The following KLRG2 variants were observed in gnomAD, a reference collection of about 807,000 sequenced individuals.
KLRG2 encodes killer cell lectin like receptor G2, also known as killer cell lectin-like receptor subfamily G member 2.
KLRG2 carries 39 observed loss-of-function variants against 35.4 expected under a neutral mutation model. That is an observed-to-expected ratio of 1.10 (90% CI 0.85 to 1.44). The LOEUF is 1.44. Ranked by LOEUF, KLRG2 falls within the 40% of genes most tolerant of loss-of-function variation. The probability of loss-of-function intolerance (pLI) is 0.00; values close to 1 mark genes in which losing one functional copy is unlikely to be tolerated. For missense variants in KLRG2, 632 were observed against 570.9 expected, an observed-to-expected ratio of 1.11 and a Z score of -1.09; for synonymous variants, 283 against 265.8, an observed-to-expected ratio of 1.06 and a Z score of -0.63.
At chr7:139,442,978 C>T in the KLRG2 span, among the ~76,000 whole-genome samples, 1 of 149,120 alleles carries the variant, frequency 6.7e-6, no homozygotes, top group Non-Finnish European at 1.5e-5. Context: ...GTAGAATAGA[C>T]AAAAGTTTAA....
At chr7:139,438,562 G>T in the KLRG2 span, among the ~76,000 whole-genome samples, 1 of 152,114 alleles carries the variant, frequency 6.6e-6, no homozygotes, top group Admixed American at 6.6e-5. Context: ...CGATCGGTAG[G>T]GCTGAAAGTA....
chr7:139,470,538 T>C (rs1796737927), intron 3 of KLRG2, among the ~76,000 whole-genome samples: 1 of 152,154 alleles, frequency 6.6e-6, no homozygotes, highest in South Asian at 2.1e-4. Context: ...ATGCCTACAA[T>C]CCCAGGACTT....
downstream of KLRG2, among the ~76,000 whole-genome samples, chr7:139,448,124 A>G (rs1274324958): frequency 6.6e-6 from 1 of 151,788 alleles, no homozygotes; most frequent in African/African-American, 2.4e-5. Context: ...CCTCCCAAGC[A>G]GCTGGGACTA....
chr7:139,454,684 C>T (rs533195123), intron 3 of KLRG2, among the ~76,000 whole-genome samples: 97 of 151,450 alleles, frequency 6.4e-4, no homozygotes, highest in Middle Eastern at 6.9e-3. Flanking sequence ...GGCATGGTGG[C>T]GGGCGCCTGT....
the KLRG2 span, among the ~76,000 whole-genome samples, chr7:139,440,063 C>CT: frequency 6.6e-6 from 1 of 152,028 alleles, no homozygotes; most frequent in Non-Finnish European, 1.5e-5. Flanking sequence ...CTCCCTGTGT[C>CT]TTTTTTACAT....
At chr7:139,449,518 C>G (rs1796344860), downstream of KLRG2, among the ~76,000 whole-genome samples, 1 of 152,184 alleles carries the variant, frequency 6.6e-6, no homozygotes, top group African/African-American at 2.4e-5. Context: ...TTTATAAACA[C>G]TGCACACTTG....
At chr7:139,433,945 C>T in the KLRG2 span, among the ~76,000 whole-genome samples, 1 of 152,106 alleles carries the variant, frequency 6.6e-6, no homozygotes, top group Non-Finnish European at 1.5e-5. Context: ...GCATCACGCC[C>T]AGCATCACGT....
intron 1 of KLRG2, among the ~76,000 whole-genome samples, 186 bp from the exon 2 acceptor site, chr7:139,480,433 G>T (rs1331833810): frequency 7.0e-6 from 1 of 142,182 alleles, no homozygotes; most frequent in African/African-American, 2.6e-5. Context: ...AAAGAAGCCA[G>T]ATATTCTTTT....
At position 139,480,193 on chromosome 7, in the gene KLRG2, A is replaced by T. The variant is rs1274281136; in HGVS notation, c.812T>A (p.Leu271His). Residue 271 changes from leucine to histidine, a missense_variant, in exon 2 of 5, where the codon CTC (leucine) becomes CAC (histidine). Leu to His is a moderately conservative substitution (Grantham distance 99, BLOSUM62 -3). Coordinates refer to ENST00000340940, the MANE Select transcript of KLRG2 (RefSeq NM_198508.4). Reference protein sequence around the residue: ...LYWALAFMAVLLAVSGVVIVV... With the variant: ...LYWALAFMAVHLAVSGVVIVV... ...AATGACAACCCCAGAGACTGCCAGG[A>T]GCACAGCCATGAACGCCAGGGCCCA... 6.2e-7 allele frequency: 1 copy of T among 1,613,910 alleles called. No homozygotes were observed. Among genetic ancestry groups the T allele is most frequent in the East Asian group, 2.2e-5 (1 of 44,864 alleles).
chr7:139,465,645 T>C (rs1193520934), intron 3 of KLRG2, among the ~76,000 whole-genome samples: 1 of 146,724 alleles, frequency 6.8e-6, no homozygotes, highest in Non-Finnish European at 1.5e-5. Flanking sequence ...TGAGCCGAGA[T>C]GGCACCACTG....
chr7:139,457,322 C>A (rs1796494425), intron 3 of KLRG2, among the ~76,000 whole-genome samples: 1 of 152,120 alleles, frequency 6.6e-6, no homozygotes. Flanking sequence ...TTCCTGGGAG[C>A]ACTCAGCTGC....
chr7:139,452,410 T>G (rs1008265805), downstream of KLRG2, among the ~76,000 whole-genome samples: 1 of 152,214 alleles, frequency 6.6e-6, no homozygotes, highest in African/African-American at 2.4e-5. Flanking sequence ...GTAACAAACC[T>G]GCACGTTCTG....
the KLRG2 span, among the ~76,000 whole-genome samples, chr7:139,440,573 TAAC>T: frequency 6.6e-6 from 1 of 152,032 alleles, no homozygotes; most frequent in African/African-American, 2.4e-5. Flanking sequence ...GTGTGTTTTA[TAAC>T]AACATTAGTC....
the KLRG2 span, among the ~76,000 whole-genome samples, chr7:139,433,261 C>T: frequency 6.6e-6 from 1 of 152,118 alleles, no homozygotes; most frequent in East Asian, 1.9e-4. Flanking sequence ...CCTTGGCTTA[C>T]TCAGATTGAA....
chr7:139,452,042 C>A (rs1477980793), downstream of KLRG2, among the ~76,000 whole-genome samples: 1 of 148,664 alleles, frequency 6.7e-6, no homozygotes, highest in Non-Finnish European at 1.5e-5. Flanking sequence ...AATCTCGGCT[C>A]ACTGCAACCT....
chr7:139,465,151 A>G (rs999211318), intron 3 of KLRG2, among the ~76,000 whole-genome samples: 2 of 152,162 alleles, frequency 1.3e-5, no homozygotes, highest in Non-Finnish European at 2.9e-5. Flanking sequence ...TTCCACACCT[A>G]TCAGTGAGGC....
chr7:139,442,595 C>T, the KLRG2 span, among the ~76,000 whole-genome samples: 32,922 of 152,098 alleles, frequency 0.22, 3,843 homozygotes, highest in African/African-American at 0.29. Flanking sequence ...CCTGTAATCC[C>T]AGCACTTTGG....
chr7:139,431,635 G>A, the KLRG2 span, among the ~76,000 whole-genome samples: 3 of 152,132 alleles, frequency 2.0e-5, no homozygotes, highest in African/African-American at 4.8e-5. Flanking sequence ...GTCAGAGCCC[G>A]GCCTCAAAAG....
At chr7:139,460,918 C>T (rs1214018634) in intron 3 of KLRG2, among the ~76,000 whole-genome samples, 2 of 151,776 alleles carry the variant, frequency 1.3e-5, no homozygotes, top group African/African-American at 2.4e-5. Flanking sequence ...AAGTGGCGAC[C>T]TGCCACTGCA....
Sources: allele counts gnomAD v4.1 joint callset (sites outside exome capture counted in the v4.1 genomes callset), GRCh38; gene constraint gnomAD v4.1.1; transcripts MANE v1.5; gene names NCBI Gene and HGNC (gene_info 2026-07-23, HGNC 2026-07-21).